TTLL9: variants seen among roughly 807,000 people sequenced by gnomAD.
TTLL9 encodes probable tubulin polyglutamylase TTLL9.
In TTLL9, 47 loss-of-function variants were observed where a neutral mutation model predicts 65.6. The ratio of observed to expected loss-of-function variants is 0.72; its 90% CI spans 0.57 to 0.91. TTLL9 has a LOEUF of 0.91. Among genes scored for constraint, TTLL9 ranks in the 40% least tolerant of loss-of-function variants. The pLI, the probability that TTLL9 is intolerant of heterozygous loss-of-function variation, is 0.00. For missense variants in TTLL9, 537 were observed against 568.8 expected (o/e 0.94, Z 0.57); for synonymous variants, 179 against 204.8 (o/e 0.87, Z 1.07).
intron 2 of TTLL9, among the ~76,000 whole-genome samples, chr20:31,884,331 T>G (rs1017810186): frequency 3.9e-5 from 6 of 152,308 alleles, no homozygotes; most frequent in Middle Eastern, 3.4e-3. Flanking sequence ...GTTCAAGTGA[T>G]TCTCCTGCCT....
At chr20:31,898,270 C>T (rs763384964) in intron 3 of TTLL9, among the ~76,000 whole-genome samples, 4 of 152,210 alleles carry the variant, frequency 2.6e-5, no homozygotes, top group African/African-American at 4.8e-5. Flanking sequence ...ATACAATGAT[C>T]GTTATTTTTC....
intron 10 of TTLL9, among the ~76,000 whole-genome samples, chr20:31,932,156 T>G (rs2064025343): frequency 6.6e-6 from 1 of 152,110 alleles, no homozygotes; most frequent in Non-Finnish European, 1.5e-5. Context: ...CTGGGCAACA[T>G]GTTGAAACCC....
intron 6 of TTLL9, among the ~76,000 whole-genome samples, chr20:31,915,343 G>A (rs544497671): frequency 1.2e-4 from 18 of 152,122 alleles, no homozygotes; most frequent in Non-Finnish European, 2.1e-4. Context: ...TTGGCAGAGC[G>A]TGGTGGCAGG....
chr20:31,928,800 T>G (rs2063954231), intron 10 of TTLL9, among the ~76,000 whole-genome samples: 1 of 152,226 alleles, frequency 6.6e-6, no homozygotes, highest in African/African-American at 2.4e-5. Flanking sequence ...TATATTCATG[T>G]TCCCATTTTT....
chr20:31,893,669 C>CTTT (rs35254749), intron 3 of TTLL9, among the ~76,000 whole-genome samples: 1 of 142,142 alleles, frequency 7.0e-6, no homozygotes, highest in East Asian at 2.0e-4. Context: ...TTTCCTCAGG[C>CTTT]TTTTTTTTTT....
At chr20:31,941,951 T>C (rs2064217677) in intron 14 of TTLL9, among the ~76,000 whole-genome samples, 1 of 152,140 alleles carries the variant, frequency 6.6e-6, no homozygotes, top group Non-Finnish European at 1.5e-5. Flanking sequence ...AGCAGATAAC[T>C]CAGAGATGAG....
intron 12 of TTLL9, 43 bp from the exon 13 acceptor site, chr20:31,937,353 G>A (rs766609967): frequency 4.7e-6 from 7 of 1,487,690 alleles, no homozygotes; most frequent in Non-Finnish European, 6.5e-6. Context: ...GGGGCTCCAG[G>A]GACCGAGTAA....
intron 2 of TTLL9, among the ~76,000 whole-genome samples, chr20:31,873,672 GAA>G (rs1491513804): frequency 0.016 from 1,716 of 104,250 alleles, 33 homozygotes; most frequent in African/African-American, 0.063. Flanking sequence ...AAGAAAGAAA[GAA>G]AGAGAGAGAG....
At chr20:31,935,684 G>A (rs1026648930) in intron 12 of TTLL9, among the ~76,000 whole-genome samples, 7 of 152,214 alleles carry the variant, frequency 4.6e-5, no homozygotes, top group South Asian at 4.1e-4. Context: ...TAAGGTGGAC[G>A]TGGTGGAGGA....
At chr20:31,905,893 C>T (rs1489147740) in intron 4 of TTLL9, among the ~76,000 whole-genome samples, 1 of 151,904 alleles carries the variant, frequency 6.6e-6, no homozygotes, top group Non-Finnish European at 1.5e-5. Context: ...ATTAGCTAAG[C>T]GTGGTGGTGC....
At chr20:31,942,014 G>C (rs1353082189) in intron 14 of TTLL9, among the ~76,000 whole-genome samples, 1 of 152,150 alleles carries the variant, frequency 6.6e-6, no homozygotes, top group African/African-American at 2.4e-5. Context: ...AGTTAGGAAT[G>C]AGCCAAATAG....
intron 6 of TTLL9, among the ~76,000 whole-genome samples, chr20:31,915,266 G>A (rs2063716925): frequency 6.6e-6 from 1 of 152,178 alleles, no homozygotes; most frequent in Non-Finnish European, 1.5e-5. Flanking sequence ...CGGATCACGA[G>A]GTCAGGAGAT....
intron 10 of TTLL9, 114 bp from the exon 11 acceptor site, chr20:31,933,686 C>T (rs1245143179): frequency 8.3e-6 from 8 of 963,718 alleles, no homozygotes; most frequent in African/African-American, 8.2e-5. Context: ...CACACACGAC[C>T]GTGGAGCTAT....
At chr20:31,930,940 G>A (rs139075673) in intron 10 of TTLL9, among the ~76,000 whole-genome samples, 1 of 152,076 alleles carries the variant, frequency 6.6e-6, no homozygotes, top group Non-Finnish European at 1.5e-5. Flanking sequence ...CTGCTCCTAA[G>A]GAGGCCCGCT....
intron 4 of TTLL9, among the ~76,000 whole-genome samples, chr20:31,902,219 C>G (rs1240596048): frequency 6.6e-6 from 1 of 152,178 alleles, no homozygotes; most frequent in Non-Finnish European, 1.5e-5. Flanking sequence ...TCCCATTTCT[C>G]CCTCCCTCCA....
chr20:31,875,838 C>A (rs2063031566), intron 2 of TTLL9, among the ~76,000 whole-genome samples: 1 of 152,136 alleles, frequency 6.6e-6, no homozygotes. Flanking sequence ...TCTCTCCCCA[C>A]TTCCTTCACT....
At chr20:31,918,870 C>A (rs7271152) in intron 6 of TTLL9, among the ~76,000 whole-genome samples, 97,328 of 152,084 alleles carry the variant, frequency 0.64, 31,568 homozygotes, top group African/African-American at 0.72. Context: ...TCTTCTGGGC[C>A]CACACAACCC....
chr20:31,912,936 T>C (rs1418117005), intron 6 of TTLL9, among the ~76,000 whole-genome samples: 4 of 151,934 alleles, frequency 2.6e-5, no homozygotes, highest in African/African-American at 9.7e-5. Context: ...GGTGGGAGGA[T>C]CGCTTGATCC....
At chr20:31,921,855 G>A (rs1325759626) in intron 7 of TTLL9, among the ~76,000 whole-genome samples, 3 of 152,124 alleles carry the variant, frequency 2.0e-5, no homozygotes, top group Non-Finnish European at 4.4e-5. Context: ...GATAGCATTA[G>A]GAGATACACC....
Sources: gnomAD v4.1 joint callset for allele counts (sites outside exome capture counted in the v4.1 genomes callset) on GRCh38, gnomAD v4.1.1 for gene constraint, MANE v1.5 for transcripts, NCBI Gene and HGNC (gene_info 2026-07-23, HGNC 2026-07-21) for gene names.